Variants in IL1RAPL1 observed in about 807,000 individuals in gnomAD.
IL1RAPL1 encodes interleukin 1 receptor accessory protein like 1.
IL1RAPL1 carries 3 observed loss-of-function variants against 48.4 expected under a neutral mutation model. The observed-to-expected ratio is 0.06, with a 90% CI of 0.03 to 0.16. IL1RAPL1 has a LOEUF of 0.16. IL1RAPL1 is among the 10% of genes least tolerant of loss of function. The pLI is 1.00. For missense variants in IL1RAPL1, 349 were observed against 530.6 expected (o/e 0.66, Z 3.36); for synonymous variants, 185 against 187.7 (o/e 0.99, Z 0.12).
At chrX:29,523,219 C>G (rs1421478159) in intron 5 of IL1RAPL1, among the ~76,000 whole-genome samples, 1 of 111,388 alleles carries the variant, frequency 9.0e-6, no homozygotes, top group Non-Finnish European at 1.9e-5. Context: ...CCTGGAAACA[C>G]ACGTTCACAT....
intron 3 of IL1RAPL1, among the ~76,000 whole-genome samples, chrX:29,301,830 A>G (rs1274223949): frequency 9.0e-6 from 1 of 111,189 alleles, no homozygotes; most frequent in Non-Finnish European, 1.9e-5. Flanking sequence ...AGAGAGACTC[A>G]GGGATGGATA....
chrX:28,821,376 T>G (rs1936935656), intron 2 of IL1RAPL1, among the ~76,000 whole-genome samples: 1 of 110,996 alleles, frequency 9.0e-6, no homozygotes, highest in African/African-American at 3.3e-5. Context: ...GGGATTAGGA[T>G]GTGGACAAAA....
At chrX:28,851,107 G>A (rs1204408911) in intron 2 of IL1RAPL1, among the ~76,000 whole-genome samples, 1 of 104,457 alleles carries the variant, frequency 9.6e-6, no homozygotes, top group Non-Finnish European at 1.9e-5. Context: ...TTGTAACAGA[G>A]GCTCAGGCTG....
At chrX:28,677,968 C>T (rs1190475461) in intron 1 of IL1RAPL1, among the ~76,000 whole-genome samples, 2 of 111,296 alleles carry the variant, frequency 1.8e-5, no homozygotes, top group Admixed American at 1.9e-4. Flanking sequence ...TCTTTTCCTC[C>T]TCCTTCCATT....
At chrX:29,390,410 A>G (rs1017027406) in intron 3 of IL1RAPL1, among the ~76,000 whole-genome samples, 22 of 112,251 alleles carry the variant, frequency 2.0e-4, no homozygotes, top group African/African-American at 7.1e-4. Context: ...AGTAGACCAT[A>G]TAAAACACAG....
At chrX:29,060,241 C>T (rs774507743) in intron 2 of IL1RAPL1, among the ~76,000 whole-genome samples, 12 of 111,755 alleles carry the variant, frequency 1.1e-4, no homozygotes, top group Admixed American at 4.8e-4. Context: ...AGTAGGAATA[C>T]ACACATACAC....
chrX:29,229,952 T>C (rs1185061853), intron 2 of IL1RAPL1, among the ~76,000 whole-genome samples: 1 of 112,264 alleles, frequency 8.9e-6, no homozygotes, highest in East Asian at 2.8e-4. Flanking sequence ...CACTGCTATT[T>C]ACTGAGCATC....
At chrX:29,832,334 C>T (rs1930898586) in intron 6 of IL1RAPL1, among the ~76,000 whole-genome samples, 1 of 111,999 alleles carries the variant, frequency 8.9e-6, no homozygotes. Flanking sequence ...CCTACATAAT[C>T]ATTCCTTTCC....
intron 2 of IL1RAPL1, among the ~76,000 whole-genome samples, chrX:28,866,230 A>G (rs934172757): frequency 8.9e-6 from 1 of 112,437 alleles, no homozygotes; most frequent in Admixed American, 9.5e-5. Context: ...ATTTGCAGCA[A>G]CCTGGATGGA....
chrX:28,682,061 T>C (rs2146920260), intron 1 of IL1RAPL1, among the ~76,000 whole-genome samples: 1 of 111,326 alleles, frequency 9.0e-6, no homozygotes, highest in Non-Finnish European at 1.9e-5. Context: ...ACTTTTCGTG[T>C]CTGGCTTCTT....
At position 29,939,862 on chromosome X, in the gene IL1RAPL1, T is replaced by C. The variant is rs1052286703; in HGVS notation, c.1058-1789T>C. 6.8e-5 allele frequency among the ~76,000 whole-genome samples: 3 copies of C among 44,272 alleles called. No homozygotes were observed. The Admixed American group carries it at 6.8e-4, about 10-fold the overall frequency. The allele number at this position is 44,272 out of a possible 115,157, so 38.4% of individuals were successfully genotyped here. Reference sequence around the variant, plus strand: ...AGGTAATAGGAAATATGAATGAGGATTTTTTTTTTTTTTTTTTTGAGACGG... The same window carrying C: ...AGGTAATAGGAAATATGAATGAGGACTTTTTTTTTTTTTTTTTTGAGACGG... On this transcript the variant is annotated intron_variant, in intron 8 of 10. Transcript: ENST00000378993.
intron 5 of IL1RAPL1, among the ~76,000 whole-genome samples, chrX:29,652,109 A>G (rs1364255771): frequency 8.9e-6 from 1 of 112,114 alleles, no homozygotes; most frequent in Non-Finnish European, 1.9e-5. Context: ...ACTGCCTTTT[A>G]AAATAGAATG....
intron 1 of IL1RAPL1, among the ~76,000 whole-genome samples, chrX:28,676,762 C>T (rs1457590092): frequency 1.8e-5 from 2 of 109,525 alleles, no homozygotes; most frequent in Non-Finnish European, 3.8e-5. Context: ...AAACAAAACC[C>T]GCTTTCTTTA....
At chrX:29,548,040 T>G (rs900624084) in intron 5 of IL1RAPL1, among the ~76,000 whole-genome samples, 3 of 112,518 alleles carry the variant, frequency 2.7e-5, no homozygotes, top group Non-Finnish European at 5.6e-5. Flanking sequence ...CACCTTTGCC[T>G]TCTACAGTCT....
intron 2 of IL1RAPL1, among the ~76,000 whole-genome samples, chrX:29,251,138 CA>C (rs1258978715): frequency 6.5e-4 from 74 of 114,125 alleles, no homozygotes; most frequent in Non-Finnish European, 2.4e-4. Flanking sequence ...ATTGGTATCT[CA>C]AAAGACATAG....
chrX:28,846,815 C>T (rs1225929620), intron 2 of IL1RAPL1, among the ~76,000 whole-genome samples: 1 of 111,988 alleles, frequency 8.9e-6, no homozygotes, highest in Non-Finnish European at 1.9e-5. Context: ...TGCTTCTTGT[C>T]ATGAGATGCA....
chrX:28,647,773 A>G (rs1041793671), intron 1 of IL1RAPL1, among the ~76,000 whole-genome samples: 7 of 111,900 alleles, frequency 6.3e-5, no homozygotes, highest in Non-Finnish European at 1.3e-4. Flanking sequence ...GTTCATAGTC[A>G]TCTTTTAGGA....
intron 6 of IL1RAPL1, among the ~76,000 whole-genome samples, chrX:29,915,470 TAAA>T (rs1182188497): frequency 3.6e-5 from 4 of 112,181 alleles, no homozygotes; most frequent in African/African-American, 1.3e-4. Flanking sequence ...TTTTATCCTA[TAAA>T]AATGTTGTCA....
At chrX:29,406,128 G>T (rs1441017991) in intron 5 of IL1RAPL1, among the ~76,000 whole-genome samples, 2 of 111,577 alleles carry the variant, frequency 1.8e-5, no homozygotes, top group Non-Finnish European at 3.8e-5. Flanking sequence ...AGTGGCTCAC[G>T]CCTATAATCC....
Sources: gnomAD v4.1 joint callset for allele counts (sites outside exome capture counted in the v4.1 genomes callset) on GRCh38, gnomAD v4.1.1 for gene constraint, MANE v1.5 for transcripts, NCBI Gene and HGNC (gene_info 2026-07-23, HGNC 2026-07-21) for gene names.